SBF1: variants seen among roughly 807,000 people sequenced by gnomAD.
The protein encoded by SBF1 is SET binding factor 1, also known as myotubularin-related protein 5.
SBF1 carries 65 observed loss-of-function variants against 215.8 expected under a neutral mutation model. That is an observed-to-expected ratio of 0.30 (90% CI 0.25 to 0.37). The LOEUF (loss-of-function observed/expected upper bound fraction) is 0.37, where lower values mean the gene tolerates loss of function less well. SBF1 is among the 10% of genes least tolerant of loss of function. The pLI is 1.00. For missense variants in SBF1, 2,634 were observed against 2,667.8 expected (o/e 0.99, Z 0.28); for synonymous variants, 1,410 against 1,122.8 (o/e 1.26, Z -5.11).
intron 36 of SBF1, among the ~76,000 whole-genome samples, chr22:50,453,349 C>G (rs2067121672): frequency 6.6e-6 from 1 of 152,218 alleles, no homozygotes; most frequent in African/African-American, 2.4e-5. Context: ...ACCTCCATCA[C>G]AAACCATGAC....
intron 36 of SBF1, 150 bp from the exon 37 acceptor site, chr22:50,448,800 A>G (rs1343413793): frequency 4.3e-5 from 27 of 623,000 alleles, no homozygotes; most frequent in Non-Finnish European, 6.5e-5. Flanking sequence ...GAGGGAGGGA[A>G]GGAATATGCA....
chr22:50,465,630 C>A (rs1169437696), intron 10 of SBF1, 133 bp downstream of exon 10: 9 of 859,556 alleles, frequency 1.0e-5, no homozygotes, highest in Non-Finnish European at 3.6e-6. Context: ...CTGCTTTGCT[C>A]CCAGGCTCCT....
chr22:50,455,639 C>T, intron 31 of SBF1, 57 bp from the exon 32 acceptor site: 1 of 1,420,394 alleles, frequency 7.0e-7, no homozygotes, highest in Non-Finnish European at 9.7e-7. Flanking sequence ...CGCCTGGCCA[C>T]TCACCAGGCC....
In SBF1 at chr22:50,455,066, C is replaced by T. The variant is rs780490504; in HGVS notation, c.4631G>A (p.Arg1544His). Residue 1544 changes from arginine (R) to histidine (H), a missense_variant, in exon 34 of 41, where the codon CGC becomes CAC. Physicochemically the swap from Arg to His is conservative, Grantham distance 29 (BLOSUM62 0). Coordinates refer to ENST00000380817, the MANE Select transcript of SBF1 (RefSeq NM_002972.4). ...GTCGAGCAGGAAGGTCCGGAAACGG[C>T]GGGACACATGGTGGTAGCCGAGGAA... ...LKFLGYHHVS[R>H]RFRTFLLDSD... The T allele has an allele frequency of 1.5e-5, 24 of 1,614,012 alleles. No homozygotes were observed. Among genetic ancestry groups the T allele is most frequent in the South Asian group, 3.3e-5 (3 of 91,092 alleles).
chr22:50,465,075 G>A lies in SBF1; in HGVS notation c.1258C>T (p.Leu420=), dbSNP rs754341048. ...AAGCCAGCAAAGGCCATGCCCTCCA[G>A]CACCTTCATCAGGAAATCGTCCTCT... The part of the protein sequence containing the change: ...LVEDDFLMKV[L]EGMAFAGFVS... Residue 420 remains leucine, a synonymous_variant, in exon 12 of 41, where the codon CTG becomes TTG. Transcript: ENST00000380817. 1.3e-5 allele frequency: 21 copies of A among 1,614,110 alleles called. No individual in the cohort carries two copies. Among genetic ancestry groups the A allele is most frequent in the Admixed American group, 1.7e-5 (1 of 60,014 alleles).
intron 1 of SBF1, among the ~76,000 whole-genome samples, chr22:50,473,464 G>A (rs1471293386): frequency 1.3e-5 from 2 of 152,162 alleles, no homozygotes; most frequent in Non-Finnish European, 2.9e-5. Flanking sequence ...CCTAGCAAGC[G>A]AGAACTCCCT....
chr22:50,461,113 A>C (rs1316606934), intron 23 of SBF1, 46 bp downstream of exon 23: 1 of 1,545,168 alleles, frequency 6.5e-7, no homozygotes, highest in East Asian at 2.3e-5. Flanking sequence ...TGCAGGAGAA[A>C]GACCAGGGCG....
rs761490725 is a variant in SBF1 at position 50,454,840 on chromosome 22, A to G, written c.4786T>C (p.Tyr1596His). The G allele has an allele frequency of 6.2e-7, 1 of 1,614,030 alleles. No individual in the cohort carries two copies. Among genetic ancestry groups the G allele is most frequent in the Admixed American group, 1.7e-5 (1 of 60,016 alleles). ...TCTGCGTCCTCGGGCGCATACATGT[A>G]ATTGTGGAACACAGGCGTCCTCTTG... ...LSKRTPVFHN[Y>H]MYAPEDAEVL... Residue 1596 changes from tyrosine (Y) to histidine (H), a missense_variant, in exon 35 of 41, where the codon TAC (tyrosine) becomes CAC (histidine). Coordinates refer to ENST00000380817, the MANE Select transcript of SBF1 (RefSeq NM_002972.4).
rs371384320 is a variant in SBF1, at chr22:50,460,069, G to A, written c.3374C>T (p.Ala1125Val). 6.8e-6 allele frequency: 11 copies of A among 1,613,838 alleles called. No individual in the cohort carries two copies. Among genetic ancestry groups the A allele is most frequent in the Non-Finnish European group, 8.5e-6 (10 of 1,180,004 alleles). The part of the protein sequence containing the change: ...RMTMSSLVER[A>V]CCRDYQRLGL... The stretch of plus-strand genomic sequence containing the variant: ...GAGGCGCTGGTAGTCGCGACAGCAA[G>A]CCCTTTCCACCAGGCTGCTCATGGT... Residue 1125 changes from alanine to valine, a missense_variant, in exon 26 of 41, where the codon GCT becomes GTT. By Grantham distance (64) the Ala-to-Val change is moderately conservative. Transcript: ENST00000380817.
At chr22:50,473,330 CT>C (rs1306040317) in intron 1 of SBF1, among the ~76,000 whole-genome samples, 1 of 152,208 alleles carries the variant, frequency 6.6e-6, no homozygotes, top group Non-Finnish European at 1.5e-5. Flanking sequence ...CTCAGGCACC[CT>C]CTGCCCCAGG....
chr22:50,453,668 T>C (rs2067134635), intron 36 of SBF1, among the ~76,000 whole-genome samples: 1 of 152,032 alleles, frequency 6.6e-6, no homozygotes, highest in Non-Finnish European at 1.5e-5. Flanking sequence ...GCACCTGTAG[T>C]CCCAGCTACT....
In SBF1 at chr22:50,461,159, C is replaced by G; in HGVS notation, c.2967G>C (p.Gln989His). The stretch of plus-strand genomic sequence containing the variant: ...GCCCCACCCGCGCACCGCGCCCCAC[C>G]TGGAATGTGCAGGAGCGCAGCTGGA... The part of the protein sequence containing the change: ...DGLQLRSCTF[Q>H]LLKMAFDEEV... The change falls in exon 23 of 41, where the codon CAG (glutamine) becomes CAC (histidine). Residue 989 changes from glutamine to histidine, a missense_variant and splice_region_variant. By Grantham distance (24) the Gln-to-His change is conservative. Transcript: ENST00000380817. 6.3e-7 allele frequency: 1 copy of G among 1,596,238 alleles called. No homozygotes were observed. Among genetic ancestry groups the G allele is most frequent in the Non-Finnish European group, 8.6e-7 (1 of 1,169,102 alleles).
In SBF1 at chr22:50,452,723, CAAAAAAAAAAAAAAAAA is replaced by C. The variant is rs57951967; in HGVS notation, c.5043+1772_5043+1788del. Among the ~76,000 whole-genome samples the C allele has an allele frequency of 7.6e-5, 3 of 39,540 alleles. 1 individual carries two copies. The highest frequency in any genetic ancestry group is 2.5e-4 in the African/African-American group (2 of 7,920). 25.9% of individuals were successfully genotyped at this position (39,540 alleles called of 152,430 possible). A position where few individuals can be genotyped will look rare whatever the true frequency, so the allele number is the denominator to read the frequency against. ...GGTGACTGAGGGAGACTCCATCTCT[CAAAAAAAAAAAAAAAAA>C]AAAAAAAAAAACCATACTGGGTGTT... is the stretch of plus-strand genomic sequence containing the variant. On this transcript the variant is annotated intron_variant, in intron 36 of 40. Transcript: ENST00000380817.
intron 22 of SBF1, 54 bp from the exon 23 acceptor site, chr22:50,461,340 C>G: frequency 6.4e-7 from 1 of 1,556,988 alleles, no homozygotes; most frequent in Non-Finnish European, 8.7e-7. Flanking sequence ...GGGGGGGGTC[C>G]CAGAATCTCA....
Position 50,474,789 on chromosome 22 carries a change from G to C in SBF1, c.52C>G (p.Arg18Gly), listed in dbSNP as rs1485408666. Residue 18 changes from arginine to glycine, a missense_variant, in exon 1 of 41, where the codon CGC (arginine) becomes GGC (glycine). Physicochemically the swap from Arg to Gly is moderately radical, Grantham distance 125 (BLOSUM62 -2). Coordinates refer to ENST00000380817, the MANE Select transcript of SBF1 (RefSeq NM_002972.4). ...AGCGCTTGGCCTCGGCACTCACCGC[G>C]CGGGTGCGGCCCGAACGCCACCAGC... ...FVLVAFGPHP[R>G]GSGEGQGQIL... 2 of 1,461,562 alleles carry C rather than the reference G, an allele frequency of 1.4e-6. No homozygotes were observed. Among genetic ancestry groups the C allele is most frequent in the Middle Eastern group, 2.4e-4 (1 of 4,116 alleles). The allele number at this position is 1,461,562 out of a possible 1,614,324, so 90.5% of individuals were successfully genotyped here. A position where few individuals can be genotyped will look rare whatever the true frequency, so the allele number is the denominator to read the frequency against.
chr22:50,461,337 G>A (rs776402286), intron 22 of SBF1, 51 bp from the exon 23 acceptor site: 34 of 1,489,642 alleles, frequency 2.3e-5, no homozygotes, highest in Non-Finnish European at 2.7e-5. Context: ...GGGGGGGGGG[G>A]TCCCAGAATC....
chr22:50,466,934 T>C, intron 5 of SBF1: 1 of 556,418 alleles, frequency 1.8e-6, no homozygotes, highest in South Asian at 2.4e-5. Context: ...GACTTGGGGG[T>C]AGGGATGGGG....
chr22:50,464,538 G>T lies in SBF1; in HGVS notation c.1632C>A (p.Pro544=), dbSNP rs761428168. ...TTCCCCTCCCTCATTACGCACTCAT[G>T]GGGGGCCCTGAGGGCACGGTGGTCC... ...ERRTTVPSGP[P]MTAILERCSG... is the part of the protein sequence containing the mutation. Residue 544 remains proline, a synonymous_variant, in exon 14 of 41, where the codon CCC becomes CCA. Transcript: ENST00000380817. The T allele has an allele frequency of 6.2e-7, 1 of 1,609,416 alleles. No homozygotes were observed. The highest frequency in any genetic ancestry group is 1.1e-5 in the South Asian group (1 of 90,456).
rs548253104 is a variant in SBF1 at position 50,457,126 on chromosome 22, G to A, written c.3827-15C>T. 12 of 1,471,074 alleles carry A rather than the reference G, an allele frequency of 8.2e-6. No homozygotes were observed. Among genetic ancestry groups the A allele is most frequent in the East Asian group, 2.9e-5 (1 of 34,980 alleles). The allele number at this position is 1,471,074 out of a possible 1,614,324, so 91.1% of individuals were successfully genotyped here. ...GGGGCTGGGAACTGAGGGCACAGCA[G>A]AGAGAAGGCTCAGGCCTAGCCCCAG... On this transcript the variant is annotated splice_polypyrimidine_tract_variant and intron_variant, in intron 28 of 40. Coordinates refer to ENST00000380817, the MANE Select transcript of SBF1 (RefSeq NM_002972.4).
Sources: gnomAD v4.1 joint callset for allele counts (sites outside exome capture counted in the v4.1 genomes callset) on GRCh38, gnomAD v4.1.1 for gene constraint, MANE v1.5 for transcripts, NCBI Gene and HGNC (gene_info 2026-07-23, HGNC 2026-07-21) for gene names.